MALRD1: variants seen among roughly 807,000 people sequenced by gnomAD.
The protein encoded by MALRD1 is MAM and LDL receptor class A domain containing 1.
Under a neutral mutation model 242.1 loss-of-function variants are expected in MALRD1, and 247 were observed. The ratio of observed to expected loss-of-function variants is 1.02; its 90% confidence interval spans 0.92 to 1.13. MALRD1 has a LOEUF of 1.13. MALRD1 is among the 50% of genes most tolerant of loss of function. The pLI, the probability that MALRD1 is intolerant of heterozygous loss-of-function variation, is 0.00. For synonymous variants in MALRD1, 995 were observed against 866.6 expected (o/e 1.15, Z -2.60); for missense variants, 2,989 against 2,533.1 (o/e 1.18, Z -3.86).
intron 12 of MALRD1, among the ~76,000 whole-genome samples, chr10:19,165,266 T>TATATATATATATATA (rs1554801500): frequency 5.3e-4 from 62 of 116,124 alleles, no homozygotes; most frequent in African/African-American, 1.0e-3. Context: ...TATATATATA[T>TATATATATATATATA]TTTGTTTTGT....
chr10:19,217,326 C>G (rs1278890304), intron 18 of MALRD1, among the ~76,000 whole-genome samples: 2 of 152,140 alleles, frequency 1.3e-5, no homozygotes, highest in African/African-American at 4.8e-5. Context: ...AGAGTTCATT[C>G]TCTTTTTGTA....
chr10:19,218,140 G>A (rs1275854271), intron 18 of MALRD1, among the ~76,000 whole-genome samples: 7 of 151,758 alleles, frequency 4.6e-5, no homozygotes, highest in African/African-American at 1.7e-4. Context: ...TATATAAGAG[G>A]CTTCAATAAT....
chr10:19,615,803 T>C, intron 35 of MALRD1, 54 bp from the exon 36 acceptor site: 1 of 1,283,308 alleles, frequency 7.8e-7, no homozygotes, highest in Non-Finnish European at 1.1e-6. Context: ...TATCTTCTTC[T>C]TCCTCCTAAT....
chr10:19,315,161 G>GTAAATATAATTTATATAAATATA (rs1564554472), intron 21 of MALRD1, among the ~76,000 whole-genome samples: 17 of 125,434 alleles, frequency 1.4e-4, no homozygotes, highest in African/African-American at 3.3e-4. Context: ...ATAGAAATAT[G>GTAAATATAATTTATATAAATATA]TAAATATAAT....
intron 22 of MALRD1, among the ~76,000 whole-genome samples, chr10:19,326,803 G>A (rs1591336): frequency 0.65 from 97,072 of 149,366 alleles, 31,432 homozygotes; most frequent in African/African-American, 0.74. Context: ...CTGAATAATT[G>A]TTTGGTTGTA....
intron 28 of MALRD1, among the ~76,000 whole-genome samples, chr10:19,446,082 G>A (rs1044243989): frequency 3.3e-5 from 5 of 152,126 alleles, no homozygotes; most frequent in Admixed American, 3.3e-4. Context: ...GGGACCCTCC[G>A]AGCCAGGCGT....
intron 26 of MALRD1, among the ~76,000 whole-genome samples, chr10:19,365,426 A>T (rs1227992168): frequency 6.6e-6 from 1 of 152,110 alleles, no homozygotes; most frequent in Non-Finnish European, 1.5e-5. Context: ...TTCGACAGAC[A>T]TTTTATCACT....
intron 36 of MALRD1, among the ~76,000 whole-genome samples, chr10:19,618,695 G>A (rs1379653143): frequency 6.6e-6 from 1 of 151,770 alleles, no homozygotes. Flanking sequence ...TTTTCTTCTT[G>A]TAAATTTGAA....
chr10:19,266,115 G>A (rs1386188789), intron 19 of MALRD1, among the ~76,000 whole-genome samples: 1 of 150,970 alleles, frequency 6.6e-6, no homozygotes, highest in East Asian at 1.9e-4. Context: ...AAGTGGAAGT[G>A]AGACTCTTGT....
chr10:19,277,618 G>T (rs1023864863), intron 19 of MALRD1, among the ~76,000 whole-genome samples: 6 of 152,178 alleles, frequency 3.9e-5, no homozygotes, highest in Non-Finnish European at 7.3e-5. Flanking sequence ...GGAAGACATA[G>T]TTCGGGGTCT....
chr10:19,314,661 GT>G (rs895825748), intron 21 of MALRD1, among the ~76,000 whole-genome samples: 10 of 151,564 alleles, frequency 6.6e-5, no homozygotes, highest in Non-Finnish European at 1.0e-4. Flanking sequence ...TCTGATGCCT[GT>G]TTTTGTAAAT....
chr10:19,068,308 C>T (rs755328368), intron 2 of MALRD1, among the ~76,000 whole-genome samples: 6 of 151,708 alleles, frequency 4.0e-5, no homozygotes, highest in Admixed American at 3.3e-4. Context: ...TGCCATTTTC[C>T]CTCGTTTTTT....
intron 14 of MALRD1, among the ~76,000 whole-genome samples, chr10:19,192,093 A>G (rs1409151239): frequency 6.6e-6 from 1 of 152,170 alleles, no homozygotes; most frequent in Non-Finnish European, 1.5e-5. Context: ...AAAAAGAAGT[A>G]ATGATATGAT....
chr10:19,188,906 T>C (rs1475878490), intron 14 of MALRD1, among the ~76,000 whole-genome samples: 2 of 152,024 alleles, frequency 1.3e-5, no homozygotes, highest in African/African-American at 4.8e-5. Flanking sequence ...TGAAGGCAGG[T>C]AGAAGTGAAA....
At chr10:19,218,301 C>T (rs537372617) in intron 18 of MALRD1, among the ~76,000 whole-genome samples, 77 of 152,100 alleles carry the variant, frequency 5.1e-4, no homozygotes, top group Non-Finnish European at 8.1e-4. Context: ...ATTTACATTC[C>T]AGTAGTAGTT....
At chr10:19,076,031 G>A (rs1010022910) in intron 2 of MALRD1, among the ~76,000 whole-genome samples, 6 of 151,852 alleles carry the variant, frequency 4.0e-5, no homozygotes, top group Non-Finnish European at 8.8e-5. Flanking sequence ...ACTAATTAAT[G>A]GTATGATTTG....
chr10:19,578,560 C>T (rs369604923), intron 33 of MALRD1, among the ~76,000 whole-genome samples: 4 of 152,034 alleles, frequency 2.6e-5, no homozygotes, highest in African/African-American at 4.8e-5. Flanking sequence ...AATGTGGTGG[C>T]GCATGCCTGT....
At chr10:19,127,755 A>G (rs138645585) in intron 7 of MALRD1, among the ~76,000 whole-genome samples, 105 of 152,242 alleles carry the variant, frequency 6.9e-4, no homozygotes, top group African/African-American at 2.4e-3. Context: ...TGGCTTGGTA[A>G]GAAAGAAGAC....
chr10:19,436,222 T>A (rs757938888), intron 28 of MALRD1, among the ~76,000 whole-genome samples: 2 of 152,186 alleles, frequency 1.3e-5, no homozygotes, highest in Admixed American at 1.3e-4. Context: ...CTGAGCACTG[T>A]GTTGCTTGCT....
Sources: allele counts gnomAD v4.1 joint callset (sites outside exome capture counted in the v4.1 genomes callset), GRCh38; gene constraint gnomAD v4.1.1; transcripts MANE v1.5; gene names NCBI Gene and HGNC (gene_info 2026-07-23, HGNC 2026-07-21).